The following EHBP1 variants were observed in gnomAD, a reference collection of about 807,000 sequenced individuals.
The protein encoded by EHBP1 is EH domain-binding protein 1.
Under a neutral mutation model 144.0 loss-of-function variants are expected in EHBP1, and 55 were observed. That is an observed-to-expected ratio of 0.38 (90% CI 0.31 to 0.48). EHBP1 has a LOEUF of 0.48. Among genes scored for constraint, EHBP1 ranks in the 20% least tolerant of loss-of-function variants. The pLI is 0.98. For missense variants in EHBP1, 1,200 were observed against 1,364.2 expected (o/e 0.88, Z 1.90); for synonymous variants, 469 against 472.7 (o/e 0.99, Z 0.10).
chr2:62,997,365 A>G (rs1000682065), intron 19 of EHBP1, among the ~76,000 whole-genome samples: 5 of 151,046 alleles, frequency 3.3e-5, no homozygotes, highest in East Asian at 2.0e-4. Flanking sequence ...TTGGCTTTCA[A>G]TGCTGATTGC....
chr2:62,801,052 T>C (rs1182713804), intron 5 of EHBP1, among the ~76,000 whole-genome samples: 1 of 152,224 alleles, frequency 6.6e-6, no homozygotes, highest in African/African-American at 2.4e-5. Context: ...TTATATCCTG[T>C]TTATTCAAAG....
intron 1 of EHBP1, among the ~76,000 whole-genome samples, chr2:62,692,819 T>A (rs1194187296): frequency 3.9e-5 from 6 of 152,132 alleles, no homozygotes; most frequent in Non-Finnish European, 7.4e-5. Context: ...TCATATAATG[T>A]GTAATAATCA....
intron 2 of EHBP1, among the ~76,000 whole-genome samples, chr2:62,727,468 A>T (rs1338177272): frequency 6.6e-6 from 1 of 152,044 alleles, no homozygotes; most frequent in Non-Finnish European, 1.5e-5. Context: ...GTCACTCCGT[A>T]TTCCTCTGGA....
At chr2:62,832,771 C>T (rs979293380) in intron 7 of EHBP1, among the ~76,000 whole-genome samples, 1 of 152,156 alleles carries the variant, frequency 6.6e-6, no homozygotes, top group Non-Finnish European at 1.5e-5. Context: ...TGTTCCTCTC[C>T]TTGGGCCTCC....
At chr2:62,758,756 T>G (rs942335633) in intron 3 of EHBP1, among the ~76,000 whole-genome samples, 6 of 152,208 alleles carry the variant, frequency 3.9e-5, no homozygotes, top group African/African-American at 1.4e-4. Flanking sequence ...CTTTACTTCC[T>G]TGCTCTGTGG....
chr2:62,886,682 C>G (rs1558858079), intron 10 of EHBP1, among the ~76,000 whole-genome samples: 1 of 152,206 alleles, frequency 6.6e-6, no homozygotes, highest in Non-Finnish European at 1.5e-5. Flanking sequence ...ATCTGCTTCT[C>G]TCTCTGGAAT....
At chr2:63,024,442 ATAACT>A (rs1413067849) in intron 19 of EHBP1, among the ~76,000 whole-genome samples, 6 of 152,078 alleles carry the variant, frequency 3.9e-5, no homozygotes, top group Admixed American at 3.3e-4. Context: ...GTCTCTACAA[ATAACT>A]TAAAATGAGC....
chr2:63,012,703 G>C (rs2060318990), intron 19 of EHBP1, among the ~76,000 whole-genome samples: 2 of 152,102 alleles, frequency 1.3e-5, no homozygotes, highest in Non-Finnish European at 2.9e-5. Flanking sequence ...ACTTAAAACA[G>C]CTTGTGAAAT....
At chr2:62,800,977 G>A (rs2043936048) in intron 5 of EHBP1, among the ~76,000 whole-genome samples, 1 of 152,124 alleles carries the variant, frequency 6.6e-6, no homozygotes, top group Non-Finnish European at 1.5e-5. Context: ...GTTAGTTACA[G>A]GACTATTAAG....
Position 62,990,913 on chromosome 2 carries a change from C to T in EHBP1, c.2733+73C>T, listed in dbSNP as rs896514891. The T allele has an allele frequency of 7.0e-5, 105 of 1,502,298 alleles. 1 individual carries two copies. The highest frequency in any genetic ancestry group is 8.9e-5 in the Non-Finnish European group (100 of 1,119,566). 93.1% of individuals were successfully genotyped at this position (1,502,298 alleles called of 1,614,324 possible). Reference sequence around the variant, plus strand: ...AGTTTCTGCCAGGAGTTTGTAATTCCAAAAACAATTTTTTACCTAATTTTT... The same window carrying T: ...AGTTTCTGCCAGGAGTTTGTAATTCTAAAAACAATTTTTTACCTAATTTTT... On this transcript the variant is annotated intron_variant, in intron 16 of 22. Coordinates refer to ENST00000431489, the MANE Select transcript of EHBP1 (RefSeq NM_001142616.3).
chr2:62,721,821 T>A lies in EHBP1; in HGVS notation c.104+14526T>A, dbSNP rs370863485. Reference sequence around the variant, plus strand: ...GGTTATTTATAAAATAACCTTTTGATATCATTACTGCCTTTTGTACAGAGG... The same window carrying A: ...GGTTATTTATAAAATAACCTTTTGAAATCATTACTGCCTTTTGTACAGAGG... On this transcript the variant is annotated intron_variant, in intron 2 of 22. Coordinates refer to ENST00000431489, the MANE Select transcript of EHBP1 (RefSeq NM_001142616.3). Among the ~76,000 whole-genome samples the A allele has an allele frequency of 5.3e-5, 8 of 152,218 alleles. No homozygotes were observed. In the East Asian group the frequency reaches 1.2e-3, roughly 22 times the overall value.
chr2:62,794,164 C>G (rs2043369782), intron 5 of EHBP1, among the ~76,000 whole-genome samples: 2 of 151,982 alleles, frequency 1.3e-5, no homozygotes, highest in Non-Finnish European at 2.9e-5. Context: ...CAGCATTTTC[C>G]CCTATAAATC....
At chr2:62,685,236 A>G (rs2033679859) in intron 1 of EHBP1, among the ~76,000 whole-genome samples, 1 of 152,226 alleles carries the variant, frequency 6.6e-6, no homozygotes, top group East Asian at 1.9e-4. Flanking sequence ...AGCTTGATTT[A>G]ATCATTCCAC....
chr2:62,926,813 A>G (rs780801987), intron 10 of EHBP1, among the ~76,000 whole-genome samples: 1 of 152,166 alleles, frequency 6.6e-6, no homozygotes, highest in Non-Finnish European at 1.5e-5. Context: ...GAACTACCAT[A>G]TGATCCAGCA....
intron 8 of EHBP1, among the ~76,000 whole-genome samples, chr2:62,861,592 A>AC (rs1319330641): frequency 6.6e-6 from 1 of 151,890 alleles, no homozygotes; most frequent in Non-Finnish European, 1.5e-5. Context: ...AACATACAAA[A>AC]GTTAGCCCAG....
At chr2:62,734,442 C>T (rs557739470) in intron 2 of EHBP1, among the ~76,000 whole-genome samples, 24 of 133,762 alleles carry the variant, frequency 1.8e-4, no homozygotes, top group Non-Finnish European at 3.0e-4. Flanking sequence ...ATATATAATT[C>T]ATTGTAGATT....
At chr2:62,973,960 GATTGCACC>G (rs1335003700) in intron 14 of EHBP1, among the ~76,000 whole-genome samples, 1 of 152,180 alleles carries the variant, frequency 6.6e-6, no homozygotes, top group African/African-American at 2.4e-5. Flanking sequence ...GGTTAGCTAT[GATTGCACC>G]ATTGCACTCC....
At chr2:62,950,417 GA>G (rs1281035748) in intron 13 of EHBP1, among the ~76,000 whole-genome samples, 1 of 151,918 alleles carries the variant, frequency 6.6e-6, no homozygotes, top group Non-Finnish European at 1.5e-5. Context: ...CTTTTATATT[GA>G]GATTTACAAA....
At chr2:62,826,642 G>T (rs2046366202) in intron 6 of EHBP1, 1 of 155,298 alleles carries the variant, frequency 6.4e-6, no homozygotes, top group Admixed American at 6.5e-5. Flanking sequence ...AAAAGTTTAG[G>T]ATAAAAGGGA....
Sources: allele counts gnomAD v4.1 joint callset (sites outside exome capture counted in the v4.1 genomes callset), GRCh38; gene constraint gnomAD v4.1.1; transcripts MANE v1.5; gene names NCBI Gene and HGNC (gene_info 2026-07-23, HGNC 2026-07-21).